TF: variants seen among roughly 807,000 people sequenced by gnomAD.
TF encodes the protein serotransferrin.
TF carries 55 observed loss-of-function variants against 82.4 expected under a neutral mutation model. The observed-to-expected ratio is 0.67, with a 90% CI of 0.54 to 0.84. The LOEUF (loss-of-function observed/expected upper bound fraction) is 0.84, where lower values mean the gene tolerates loss of function less well. TF is among the 40% of genes least tolerant of loss of function. The pLI, the probability that TF is intolerant of heterozygous loss-of-function variation, is 0.00. For missense variants in TF, 737 were observed against 868.4 expected (o/e 0.85, Z 1.90); for synonymous variants, 332 against 332.6 (o/e 1.00, Z 0.02).
At chr3:133,668,554 C>G in the TF span, among the ~76,000 whole-genome samples, 1 of 152,142 alleles carries the variant, frequency 6.6e-6, no homozygotes, top group Non-Finnish European at 1.5e-5. Context: ...CTGTTTGTGC[C>G]TCCCCATTCC....
chr3:133,754,712 C>T, intron 4 of TF, 41 bp downstream of exon 4: 1 of 1,606,758 alleles, frequency 6.2e-7, no homozygotes, highest in Non-Finnish European at 8.5e-7. Context: ...GCAGCTGCCT[C>T]TGCTCCAGAT....
chr3:133,701,146 C>T, the TF span: 2 of 152,510 alleles, frequency 1.3e-5, no homozygotes, highest in African/African-American at 4.8e-5. Flanking sequence ...GCAAGCTTCA[C>T]CCAAAGTTTA....
At chr3:133,740,208 T>C in the TF span, among the ~76,000 whole-genome samples, 1 of 152,114 alleles carries the variant, frequency 6.6e-6, no homozygotes, top group Admixed American at 6.5e-5. Context: ...GTGAAAACCA[T>C]CATTCTCAGC....
intron 1 of TF, 90 bp downstream of exon 1, chr3:133,746,573 C>G: frequency 3.5e-6 from 5 of 1,418,518 alleles, no homozygotes; most frequent in Non-Finnish European, 4.8e-6. Flanking sequence ...GCATGCACTC[C>G]GCGCTCAGGC....
chr3:133,761,928 G>T, intron 9 of TF: 1 of 162,882 alleles, frequency 6.1e-6, no homozygotes, highest in East Asian at 1.7e-4. Context: ...AAAGAACTGG[G>T]AGGAAGGTGG....
the TF span, among the ~76,000 whole-genome samples, chr3:133,674,265 TGGG>T: frequency 2.4e-3 from 365 of 152,306 alleles, 1 homozygote; most frequent in African/African-American, 8.3e-3. Context: ...GCAACTCACC[TGGG>T]AACCCCCGCG....
At chr3:133,736,539 G>A in the TF span, among the ~76,000 whole-genome samples, 2 of 146,722 alleles carry the variant, frequency 1.4e-5, no homozygotes, top group African/African-American at 2.5e-5. Context: ...ACCCATCAGT[G>A]TGCTGTATTC....
chr3:133,682,655 G>C, the TF span, among the ~76,000 whole-genome samples: 1 of 152,108 alleles, frequency 6.6e-6, no homozygotes, highest in Non-Finnish European at 1.5e-5. Context: ...CAGAAGTTTA[G>C]AGAAAAAAGA....
At chr3:133,703,353 C>T in the TF span, among the ~76,000 whole-genome samples, 2 of 152,116 alleles carry the variant, frequency 1.3e-5, no homozygotes, top group Admixed American at 6.5e-5. Context: ...TTGAGGGAAA[C>T]GTGCTTTAGG....
chr3:133,686,606 C>A, the TF span, among the ~76,000 whole-genome samples: 2 of 152,198 alleles, frequency 1.3e-5, no homozygotes, highest in African/African-American at 4.8e-5. Flanking sequence ...AAATGCTTGT[C>A]ATCACTGGCC....
chr3:133,686,973 A>C, the TF span, among the ~76,000 whole-genome samples: 1 of 152,254 alleles, frequency 6.6e-6, no homozygotes, highest in Admixed American at 6.5e-5. Flanking sequence ...AGACTGGATT[A>C]AGAAAATGTG....
At chr3:133,684,787 T>C in the TF span, among the ~76,000 whole-genome samples, 1 of 152,214 alleles carries the variant, frequency 6.6e-6, no homozygotes, top group African/African-American at 2.4e-5. Context: ...GAAGAGGAGC[T>C]GGTACCATTC....
chr3:133,666,209 G>A, the TF span, among the ~76,000 whole-genome samples: 1 of 152,116 alleles, frequency 6.6e-6, no homozygotes, highest in African/African-American at 2.4e-5. Context: ...GTCTCGCTCT[G>A]TCGCCCAGGT....
At chr3:133,703,436 G>A in the TF span, among the ~76,000 whole-genome samples, 17 of 152,298 alleles carry the variant, frequency 1.1e-4, no homozygotes, top group Admixed American at 6.5e-5. Flanking sequence ...AGTCTTAGCC[G>A]CTGTTGATTG....
In TF at chr3:133,787,830, T is replaced by A. The variant is rs1443887369; in HGVS notation, c.*9210T>A. ...TTTAAAATATCCACTCTCTAGATAC[T>A]AAAGAGGTTGCCAATGTATGACAAA... On this transcript the variant is annotated 3_prime_UTR_variant, in exon 17 of 17. Transcript: ENST00000402696. 6.6e-6 allele frequency: 1 copy of A among 152,252 alleles called. No homozygotes were observed. Among genetic ancestry groups the A allele is most frequent in the Non-Finnish European group, 1.5e-5 (1 of 68,038 alleles). The allele number at this position is 152,252 out of a possible 1,614,324, so 9.4% of individuals were successfully genotyped here.
chr3:133,726,891 A>G, the TF span, among the ~76,000 whole-genome samples: 8 of 151,938 alleles, frequency 5.3e-5, no homozygotes, highest in African/African-American at 1.9e-4. Flanking sequence ...GAACATCTTT[A>G]TTTCTGCCTT....
Position 133,764,275 on chromosome 3 carries a change from A to T in TF, c.1297A>T (p.Lys433Ter). The change falls in exon 10 of 17, where the codon AAG (lysine) becomes TAG (stop). Residue 433 changes from lysine to a stop codon, truncating the protein, a stop_gained and splice_region_variant. Coordinates refer to ENST00000402696, the MANE Select transcript of TF (RefSeq NM_001063.4). LOFTEE classifies it high-confidence loss of function. ...LVPVLAENYN[K>*]SDNCEDTPEA... The stretch of plus-strand genomic sequence containing the variant: ...GCCTGTCTTGGCAGAAAACTACAAT[A>T]GTAAGTGGTGGGGAGCACCTCTCTG... 1 of 1,612,830 alleles carries T rather than the reference A, an allele frequency of 6.2e-7. No homozygotes were observed. The highest frequency in any genetic ancestry group is 8.5e-7 in the Non-Finnish European group (1 of 1,178,862).
chr3:133,711,959 C>T, the TF span, among the ~76,000 whole-genome samples: 2 of 152,060 alleles, frequency 1.3e-5, no homozygotes, highest in Non-Finnish European at 2.9e-5. Flanking sequence ...GATGCTGGTC[C>T]CCTGTCTGGA....
the TF span, among the ~76,000 whole-genome samples, chr3:133,733,520 C>T: frequency 1.5e-4 from 23 of 152,242 alleles, no homozygotes; most frequent in East Asian, 4.2e-3. Context: ...GTCAGTGGCC[C>T]TTCTAGCTGT....
Sources: allele counts gnomAD v4.1 joint callset (sites outside exome capture counted in the v4.1 genomes callset), GRCh38; gene constraint gnomAD v4.1.1; transcripts MANE v1.5; gene names NCBI Gene and HGNC (gene_info 2026-07-23, HGNC 2026-07-21).